SETBP1: variants seen among roughly 807,000 people sequenced by gnomAD.
SETBP1 encodes SET binding protein 1, also known as SET-binding protein.
In SETBP1, 9 loss-of-function variants were observed where a neutral mutation model predicts 101.0. The observed-to-expected ratio is 0.09, with a 90% CI of 0.05 to 0.16. The LOEUF is 0.16. Ranked by LOEUF, SETBP1 falls within the 10% of genes least tolerant of loss-of-function variation. The probability of loss-of-function intolerance (pLI) is 1.00; values close to 1 mark genes in which losing one functional copy is unlikely to be tolerated. For missense variants in SETBP1, 1,858 were observed against 2,033.8 expected, an observed-to-expected ratio of 0.91 and a Z score of 1.66; for synonymous variants, 818 against 788.5, an observed-to-expected ratio of 1.04 and a Z score of -0.63.
At chr18:44,697,496 G>C (rs1031672902) in intron 1 of SETBP1, among the ~76,000 whole-genome samples, 1 of 152,188 alleles carries the variant, frequency 6.6e-6, no homozygotes, top group African/African-American at 2.4e-5. Context: ...GCTGCAGTGG[G>C]AGTAATTTGA....
chr18:45,046,333 T>A (rs1253174306), intron 5 of SETBP1, among the ~76,000 whole-genome samples: 1 of 152,192 alleles, frequency 6.6e-6, no homozygotes, highest in East Asian at 1.9e-4. Flanking sequence ...GCAGTGATTT[T>A]CCTTCAGTTT....
intron 4 of SETBP1, among the ~76,000 whole-genome samples, chr18:45,030,586 G>A (rs1378953137): frequency 1.3e-5 from 2 of 150,164 alleles, no homozygotes; most frequent in Non-Finnish European, 2.9e-5. Flanking sequence ...AGAAGGAATG[G>A]TACTAGTTCC....
rs2071359654 is a variant in SETBP1 at position 44,951,800 on chromosome 18, G to A, written c.2460G>A (p.Lys820=). ...PISALPTKTQ[K]GIHSGTWKLS... ...GTGCTCTTCCAACCAAAACCCAAAA[G>A]GGAATACACAGTGGAACCTGGAAGC... The change falls in exon 4 of 6, where the codon AAG becomes AAA. Residue 820 remains lysine, a synonymous_variant. Coordinates refer to ENST00000649279, the MANE Select transcript of SETBP1 (RefSeq NM_015559.3). This position sits in a 1 kb window ranked among gnomAD's most constrained non-coding sequence, Gnocchi z 7.8. 2.5e-6 allele frequency: 4 copies of A among 1,614,070 alleles called. No homozygotes were observed. The highest frequency in any genetic ancestry group is 3.4e-6 in the Non-Finnish European group (4 of 1,180,032).
intron 2 of SETBP1, among the ~76,000 whole-genome samples, chr18:44,742,569 G>A (rs1309268198): frequency 6.6e-6 from 1 of 152,238 alleles, no homozygotes; most frequent in African/African-American, 2.4e-5. Flanking sequence ...AGGAGAAAAG[G>A]CAAGATGACA....
chr18:44,693,329 C>CTAA (rs1187629755), intron 1 of SETBP1, among the ~76,000 whole-genome samples: 3 of 152,100 alleles, frequency 2.0e-5, no homozygotes, highest in Non-Finnish European at 4.4e-5. Context: ...CAGGTCTTAC[C>CTAA]CTTCAAGGGC....
chr18:44,880,130 C>CAA (rs1256335909), intron 3 of SETBP1, among the ~76,000 whole-genome samples: 9 of 152,208 alleles, frequency 5.9e-5, no homozygotes, highest in Non-Finnish European at 1.3e-4. Context: ...GGAGAGACTG[C>CAA]ACTAGGACTT....
chr18:44,870,423 G>A (rs1476509875), intron 3 of SETBP1: 2 of 152,216 alleles, frequency 1.3e-5, no homozygotes, highest in Admixed American at 1.3e-4. Context: ...CAAGGGCCCT[G>A]TTGGTGAGAA....
At chr18:44,940,778 T>A (rs2145045207) in intron 3 of SETBP1, among the ~76,000 whole-genome samples, 1 of 152,344 alleles carries the variant, frequency 6.6e-6, no homozygotes, top group African/African-American at 2.4e-5. Flanking sequence ...TAGAATATTT[T>A]GTATACACCA....
chr18:44,926,008 A>G (rs2070697604), intron 3 of SETBP1, among the ~76,000 whole-genome samples: 1 of 152,224 alleles, frequency 6.6e-6, no homozygotes, highest in Non-Finnish European at 1.5e-5. Flanking sequence ...TGTTGGGGAC[A>G]TTACAGTGAG....
At chr18:44,927,597 C>T (rs2070733897) in intron 3 of SETBP1, among the ~76,000 whole-genome samples, 1 of 152,054 alleles carries the variant, frequency 6.6e-6, no homozygotes, top group Non-Finnish European at 1.5e-5. Flanking sequence ...GCTATTTGGC[C>T]CGAAATAACT....
At chr18:44,831,361 T>A (rs2072363947) in intron 2 of SETBP1, among the ~76,000 whole-genome samples, 1 of 152,224 alleles carries the variant, frequency 6.6e-6, no homozygotes, top group Non-Finnish European at 1.5e-5. Context: ...GAATTTCCCC[T>A]CCAAAGGTCC....
chr18:44,951,164 C>T lies in SETBP1; in HGVS notation c.1824C>T (p.Ser608=). ...CGATTCATGAGGGAACTTCCACCAG[C>T]CCCGTCAGTCCCATCAGCCGAGAGT... The part of the protein sequence containing the change: ...VETIHEGTST[S]PVSPISREFP... Residue 608 remains serine, a synonymous_variant, in exon 4 of 6, where the codon AGC becomes AGT. Coordinates refer to ENST00000649279, the MANE Select transcript of SETBP1 (RefSeq NM_015559.3). The surrounding 1 kb of genome is among the most constrained non-coding windows in gnomAD (Gnocchi z 7.8). The T allele has an allele frequency of 1.2e-6, 2 of 1,614,122 alleles. No homozygotes were observed. The highest frequency in any genetic ancestry group is 1.7e-6 in the Non-Finnish European group (2 of 1,180,024).
At chr18:44,851,998 T>C (rs1439868163) in intron 2 of SETBP1, among the ~76,000 whole-genome samples, 1 of 152,186 alleles carries the variant, frequency 6.6e-6, no homozygotes, top group Non-Finnish European at 1.5e-5. Context: ...TGCAGGCGGT[T>C]CTAGGAAGCG....
intron 1 of SETBP1, among the ~76,000 whole-genome samples, chr18:44,682,309 T>G (rs777552380): frequency 5.9e-5 from 9 of 152,150 alleles, no homozygotes; most frequent in Non-Finnish European, 1.2e-4. Context: ...CGGTGTTGTG[T>G]GCAGGCCACA....
chr18:44,948,492 A>AAATAGAT, intron 3 of SETBP1, among the ~76,000 whole-genome samples: 1 of 106,890 alleles, frequency 9.4e-6, no homozygotes, highest in East Asian at 2.8e-4. Flanking sequence ...AGATATACAA[A>AAATAGAT]GATAGATGAT....
intron 2 of SETBP1, among the ~76,000 whole-genome samples, chr18:44,751,946 C>T (rs1439317093): frequency 6.6e-6 from 1 of 152,170 alleles, no homozygotes; most frequent in Non-Finnish European, 1.5e-5. Context: ...GAGACTTTCT[C>T]TTCCTCGTCT....
intron 3 of SETBP1, 123 bp downstream of exon 3, chr18:44,869,406 A>G: frequency 4.5e-6 from 4 of 884,970 alleles, no homozygotes; most frequent in Non-Finnish European, 7.5e-6. Context: ...TTCTTTCCCT[A>G]GCTAACTGAC....
intron 2 of SETBP1, among the ~76,000 whole-genome samples, chr18:44,721,802 G>A (rs1003916441): frequency 6.6e-6 from 1 of 152,204 alleles, no homozygotes; most frequent in East Asian, 1.9e-4. Flanking sequence ...CTCAGAAGGT[G>A]GGGGAAGAGG....
chr18:44,873,452 A>G lies in SETBP1; in HGVS notation c.540+4169A>G, dbSNP rs138681482. Among the ~76,000 whole-genome samples the G allele has an allele frequency of 3.9e-5, 6 of 152,368 alleles. No individual in the cohort carries two copies. The East Asian group carries it at 1.2e-3, about 29-fold the overall frequency. On this transcript the variant is annotated intron_variant, in intron 3 of 5. Transcript: ENST00000649279. ...CTTCCATTAGAGAAGTGCAGAATAA[A>G]TTAATTGAAAATTCAAATGTAGAAG...
Sources: allele counts gnomAD v4.1 joint callset (sites outside exome capture counted in the v4.1 genomes callset), GRCh38; gene constraint gnomAD v4.1.1; non-coding constraint Gnocchi (gnomAD v3.1); transcripts MANE v1.5; gene names NCBI Gene and HGNC (gene_info 2026-07-23, HGNC 2026-07-21).